The following PHACTR3 variants were observed in gnomAD, a reference collection of about 807,000 sequenced individuals.
The protein encoded by PHACTR3 is protein phosphatase 1, regulatory subunit 123.
Under a neutral mutation model 66.8 loss-of-function variants are expected in PHACTR3, and 16 were observed. That is an observed-to-expected ratio of 0.24 (90% CI 0.16 to 0.36). PHACTR3 has a LOEUF of 0.36. Ranked by LOEUF, PHACTR3 falls within the 10% of genes least tolerant of loss-of-function variation. The pLI is 1.00. For synonymous variants in PHACTR3, 323 were observed against 292.1 expected, an observed-to-expected ratio of 1.11 and a Z score of -1.08; for missense variants, 647 against 719.9, an observed-to-expected ratio of 0.90 and a Z score of 1.16.
At chr20:59,680,551 C>T (rs7344240) in intron 1 of PHACTR3, among the ~76,000 whole-genome samples, 1 of 152,174 alleles carries the variant, frequency 6.6e-6, no homozygotes, top group Non-Finnish European at 1.5e-5. Flanking sequence ...ACCTGGCAAC[C>T]TTCATGTAAC....
intron 1 of PHACTR3, among the ~76,000 whole-genome samples, chr20:59,653,266 C>G (rs2035515206): frequency 6.6e-6 from 1 of 151,356 alleles, no homozygotes; most frequent in Non-Finnish European, 1.5e-5. Flanking sequence ...CTCACTGCAA[C>G]CTTCGCCTCC....
At chr20:59,776,023 C>T (rs1198637798) in intron 7 of PHACTR3, among the ~76,000 whole-genome samples, 1 of 152,206 alleles carries the variant, frequency 6.6e-6, no homozygotes, top group East Asian at 1.9e-4. Flanking sequence ...GGCAGAATCA[C>T]CCCCAGCTGA....
At chr20:59,647,734 C>T (rs146494843) in intron 1 of PHACTR3, among the ~76,000 whole-genome samples, 132 of 152,262 alleles carry the variant, frequency 8.7e-4, no homozygotes, top group Admixed American at 1.8e-3. Context: ...TCTCCCACAA[C>T]GCCCAACTCC....
chr20:59,581,809 A>G (rs2032867943), intron 1 of PHACTR3, among the ~76,000 whole-genome samples: 1 of 151,702 alleles, frequency 6.6e-6, no homozygotes, highest in African/African-American at 2.4e-5. Flanking sequence ...TGAACCCGGT[A>G]GGCGGAGCTT....
At chr20:59,769,919 T>A (rs774552069) in intron 5 of PHACTR3, among the ~76,000 whole-genome samples, 18 of 152,256 alleles carry the variant, frequency 1.2e-4, no homozygotes, top group Non-Finnish European at 2.5e-4. Flanking sequence ...TTTGTTATTG[T>A]CTTTGTGATA....
intron 1 of PHACTR3, among the ~76,000 whole-genome samples, chr20:59,715,361 T>C (rs931539988): frequency 6.6e-6 from 1 of 152,234 alleles, no homozygotes; most frequent in African/African-American, 2.4e-5. Context: ...TCAAATGCTA[T>C]CTCTGTATTT....
chr20:59,709,995 G>C (rs747398185), intron 1 of PHACTR3, among the ~76,000 whole-genome samples: 1 of 152,126 alleles, frequency 6.6e-6, no homozygotes, highest in Non-Finnish European at 1.5e-5. Context: ...AACCTGTTGT[G>C]TTCTGACATT....
At chr20:59,717,842 C>A (rs1404640581) in intron 1 of PHACTR3, among the ~76,000 whole-genome samples, 1 of 152,164 alleles carries the variant, frequency 6.6e-6, no homozygotes, top group African/African-American at 2.4e-5. Context: ...GCACTTAAAT[C>A]TTTGATGAAG....
At chr20:59,844,286 T>C (rs2059114351) in intron 11 of PHACTR3, 1 of 152,110 alleles carries the variant, frequency 6.6e-6, no homozygotes, top group Non-Finnish European at 1.5e-5. Context: ...AAAAACTATA[T>C]GATCCAGAAA....
At chr20:59,822,639 C>T (rs781230583) in intron 8 of PHACTR3, among the ~76,000 whole-genome samples, 22 of 152,090 alleles carry the variant, frequency 1.4e-4, no homozygotes, top group Middle Eastern at 3.2e-3. Flanking sequence ...AGATGAGGTG[C>T]GCCTGTCTTT....
intron 1 of PHACTR3, among the ~76,000 whole-genome samples, chr20:59,688,688 T>C (rs1480195340): frequency 6.6e-6 from 1 of 152,222 alleles, no homozygotes; most frequent in Non-Finnish European, 1.5e-5. Context: ...TTTTTGTTTT[T>C]TTTTCTTAAC....
upstream of PHACTR3, chr20:59,603,446 C>G (rs1037594224): frequency 1.3e-5 from 2 of 152,436 alleles, no homozygotes; most frequent in African/African-American, 2.4e-5. Context: ...CCACTTTATT[C>G]CCCCTCCCCA....
At chr20:59,765,698 G>A (rs1295200994) in intron 4 of PHACTR3, among the ~76,000 whole-genome samples, 1 of 152,188 alleles carries the variant, frequency 6.6e-6, no homozygotes, top group Non-Finnish European at 1.5e-5. Flanking sequence ...TCTGCAGGCA[G>A]GAATTAGGCC....
chr20:59,600,514 A>G (rs1008817646), upstream of PHACTR3, among the ~76,000 whole-genome samples: 1 of 152,112 alleles, frequency 6.6e-6, no homozygotes, highest in African/African-American at 2.4e-5. Flanking sequence ...GTCTTGGGGT[A>G]CCATTCCTCA....
At chr20:59,839,257 A>G (rs1388159844) in intron 9 of PHACTR3, among the ~76,000 whole-genome samples, 1 of 152,146 alleles carries the variant, frequency 6.6e-6, no homozygotes, top group East Asian at 1.9e-4. Context: ...TCACTTGTAT[A>G]AAGAATTAAG....
intron 12 of PHACTR3, among the ~76,000 whole-genome samples, chr20:59,845,996 T>A (rs1241637654): frequency 2.0e-5 from 3 of 152,128 alleles, no homozygotes. Flanking sequence ...TCCCCCCACT[T>A]CTTTTCCATG....
At chr20:59,670,195 C>T (rs145253692) in intron 1 of PHACTR3, among the ~76,000 whole-genome samples, 32 of 152,266 alleles carry the variant, frequency 2.1e-4, no homozygotes, top group Non-Finnish European at 4.3e-4. Flanking sequence ...ACCATGATGT[C>T]GGTGATGACG....
intron 1 of PHACTR3, among the ~76,000 whole-genome samples, chr20:59,626,222 A>G (rs963983495): frequency 2.0e-5 from 3 of 152,212 alleles, no homozygotes; most frequent in Non-Finnish European, 4.4e-5. Flanking sequence ...ATAGCTATAT[A>G]TGGCAGGTTG....
rs188544117 is a variant in PHACTR3, at chr20:59,592,087, G to A, written c.109+14470G>A. 2.1e-3 allele frequency among the ~76,000 whole-genome samples: 316 copies of A among 151,974 alleles called. 8 individuals are homozygous for A. The highest frequency in any genetic ancestry group is 2.7e-3 in the East Asian group (14 of 5,158). ...ACATTCCCATTCTGTGTATGCTCCC[G>A]CACACCTTGATATTTCTATTAACAG... is the stretch of plus-strand genomic sequence containing the variant. On this transcript the variant is annotated intron_variant, in intron 1 of 12. Transcript: ENST00000359926.
Sources: allele counts gnomAD v4.1 joint callset (sites outside exome capture counted in the v4.1 genomes callset), GRCh38; gene constraint gnomAD v4.1.1; transcripts MANE v1.5; gene names NCBI Gene and HGNC (gene_info 2026-07-23, HGNC 2026-07-21).